The following CDH4 variants were observed in gnomAD, a reference collection of about 807,000 sequenced individuals.
CDH4 encodes cadherin-4.
Under a neutral mutation model 86.0 loss-of-function variants are expected in CDH4, and 33 were observed. The ratio of observed to expected loss-of-function variants is 0.38; its 90% CI spans 0.29 to 0.51. The LOEUF is 0.51. CDH4 is among the 20% of genes least tolerant of loss of function. CDH4 has a pLI of 0.86. For missense variants in CDH4, 1,114 were observed against 1,307.4 expected, an observed-to-expected ratio of 0.85 and a Z score of 2.28; for synonymous variants, 555 against 549.4, an observed-to-expected ratio of 1.01 and a Z score of -0.14.
intron 2 of CDH4, among the ~76,000 whole-genome samples, chr20:61,636,765 A>G (rs1033155769): frequency 2.6e-5 from 4 of 152,218 alleles, no homozygotes; most frequent in African/African-American, 9.6e-5. Context: ...GTCACTGTGA[A>G]GCACCAGGTG....
chr20:61,676,912 G>C lies in CDH4; in HGVS notation c.170-66651G>C, dbSNP rs2087450406. Among the ~76,000 whole-genome samples the C allele has an allele frequency of 6.6e-6, 1 of 152,186 alleles. No homozygotes were observed. Among genetic ancestry groups the C allele is most frequent in the Non-Finnish European group, 1.5e-5 (1 of 68,028 alleles). ...GTGGCCTCTGCTGGAGGACCTGATG[G>C]GGTGAGGTGGTGGGCCAGGCTGCAG... On this transcript the variant is annotated intron_variant, in intron 2 of 15. Transcript: ENST00000614565. The surrounding 1 kb of genome is among the most constrained non-coding windows in gnomAD (Gnocchi z 4.5).
chr20:61,591,440 TG>T (rs2086518638), intron 2 of CDH4, among the ~76,000 whole-genome samples: 5 of 152,180 alleles, frequency 3.3e-5, no homozygotes, highest in Admixed American at 1.3e-4. Flanking sequence ...AGAAGCTGGC[TG>T]GGTTCTCTGG....
chr20:61,923,061 G>A (rs4925313), intron 9 of CDH4, among the ~76,000 whole-genome samples: 1 of 152,070 alleles, frequency 6.6e-6, no homozygotes, highest in South Asian at 2.1e-4. Context: ...GTGAGGCCCC[G>A]CTGGCCAACA....
At chr20:61,868,365 G>C (rs1462732458) in intron 6 of CDH4, among the ~76,000 whole-genome samples, 1 of 152,212 alleles carries the variant, frequency 6.6e-6, no homozygotes, top group African/African-American at 2.4e-5. Context: ...AGTCAGAGGG[G>C]AGGCAGCCTG....
chr20:61,362,943 C>T (rs1007234492), intron 2 of CDH4, among the ~76,000 whole-genome samples: 25 of 152,280 alleles, frequency 1.6e-4, no homozygotes, highest in Admixed American at 3.3e-4. Context: ...TACAAAGCTC[C>T]GTGCCACCTG....
intron 3 of CDH4, among the ~76,000 whole-genome samples, chr20:61,764,489 G>A (rs1461433582): frequency 6.6e-6 from 1 of 152,114 alleles, no homozygotes; most frequent in Non-Finnish European, 1.5e-5. Context: ...GAGACCCGGG[G>A]CTGGAGAAGA....
chr20:61,852,453 G>A (rs1011769817), intron 5 of CDH4, among the ~76,000 whole-genome samples: 51 of 152,354 alleles, frequency 3.3e-4, no homozygotes, highest in Admixed American at 2.4e-3. Flanking sequence ...GGTGGCTCAC[G>A]GAACAGTCGG....
At chr20:61,647,448 A>ATGCTTTTAT (rs1259867242) in intron 2 of CDH4, among the ~76,000 whole-genome samples, 1 of 152,192 alleles carries the variant, frequency 6.6e-6, no homozygotes, top group Non-Finnish European at 1.5e-5. Context: ...CCAGAAACAC[A>ATGCTTTTAT]TGCTTTTATG....
rs1319129878 is a variant in CDH4, at chr20:61,829,598, C to T, written c.577-15070C>T. On this transcript the variant is annotated intron_variant, in intron 4 of 15. Coordinates refer to ENST00000614565, the MANE Select transcript of CDH4 (RefSeq NM_001794.5). This position sits in a 1 kb window ranked among gnomAD's most constrained non-coding sequence, Gnocchi z 4.2. ...CTGTTTTCCACGGCGGCTCTGCGGG[C>T]CTCCTGTTGAGGAAGCCCTGGCGAG... is the stretch of plus-strand genomic sequence containing the variant. Among the ~76,000 whole-genome samples, 1 of 152,218 alleles carries T rather than the reference C, an allele frequency of 6.6e-6. No homozygotes were observed. Among genetic ancestry groups the T allele is most frequent in the Non-Finnish European group, 1.5e-5 (1 of 68,034 alleles).
chr20:61,458,391 G>A (rs894279280), intron 2 of CDH4, among the ~76,000 whole-genome samples: 2 of 141,504 alleles, frequency 1.4e-5, no homozygotes, highest in African/African-American at 5.2e-5. Flanking sequence ...TATGGTGATG[G>A]TCATGATGGT....
rs869235928 is a variant in CDH4, at chr20:61,422,424, C to CAAAAAAAAAAAAAAAAAA, written c.169+167513_169+167530dup. 5.8e-4 allele frequency among the ~76,000 whole-genome samples: 13 copies of CAAAAAAAAAAAAAAAAAA among 22,260 alleles called. 1 individual carries two copies. Among genetic ancestry groups the CAAAAAAAAAAAAAAAAAA allele is most frequent in the Non-Finnish European group, 9.8e-4 (12 of 12,298 alleles). The allele number at this position is 22,260 out of a possible 152,430, so 14.6% of individuals were successfully genotyped here. A position where few individuals can be genotyped will look rare whatever the true frequency, so the allele number is the denominator to read the frequency against. On this transcript the variant is annotated intron_variant, in intron 2 of 15. Transcript: ENST00000614565. Reference sequence around the variant, plus strand: ...GGGCAATAAGAGCAAAACTCCGTCTCAAAAAAAAAAAAAAAAAAAAAAAAA... The same window carrying CAAAAAAAAAAAAAAAAAA: ...GGGCAATAAGAGCAAAACTCCGTCTCAAAAAAAAAAAAAAAAAAAAAAAAAAAAAAAAAAAAAAAAAAA...
chr20:61,405,871 G>T (rs535865045), intron 2 of CDH4, among the ~76,000 whole-genome samples: 1 of 152,012 alleles, frequency 6.6e-6, no homozygotes, highest in Non-Finnish European at 1.5e-5. Flanking sequence ...TAGTAGAGAC[G>T]GGGTTTCACC....
intron 2 of CDH4, among the ~76,000 whole-genome samples, chr20:61,381,586 A>G (rs895020731): frequency 1.3e-5 from 2 of 152,110 alleles, no homozygotes; most frequent in East Asian, 1.9e-4. Context: ...AAAACTGTAC[A>G]CGCTATGATG....
rs139251941 is a variant in CDH4 at position 61,315,854 on chromosome 20, C to A, written c.169+60917C>A. ...GAGTAGCTAGGACTACAGGTGTACA[C>A]CACCATGTCCAGCTAATTTTTTGTT... is the stretch of plus-strand genomic sequence containing the variant. On this transcript the variant is annotated intron_variant, in intron 2 of 15. Coordinates refer to ENST00000614565, the MANE Select transcript of CDH4 (RefSeq NM_001794.5). 2.2e-3 allele frequency among the ~76,000 whole-genome samples: 338 copies of A among 152,316 alleles called. 2 individuals carry two copies. The highest frequency in any genetic ancestry group is 3.5e-3 in the Non-Finnish European group (238 of 68,038).
chr20:61,275,056 G>C (rs371451723), intron 2 of CDH4, among the ~76,000 whole-genome samples: 9 of 134,234 alleles, frequency 6.7e-5, no homozygotes, highest in African/African-American at 8.6e-5. Context: ...GGGGAGTACC[G>C]TGTGCAGTTT....
At chr20:61,841,278 G>C (rs140757222) in intron 4 of CDH4, among the ~76,000 whole-genome samples, 1 of 152,204 alleles carries the variant, frequency 6.6e-6, no homozygotes, top group Non-Finnish European at 1.5e-5. Context: ...CCCGGACGGC[G>C]GGGCTGGTGG....
At chr20:61,549,827 G>T (rs2145671261) in intron 2 of CDH4, among the ~76,000 whole-genome samples, 1 of 152,346 alleles carries the variant, frequency 6.6e-6, no homozygotes, top group South Asian at 2.1e-4. Flanking sequence ...CAAAGAGGAT[G>T]CCAGGACTGA....
chr20:61,833,016 G>A (rs987758880), intron 4 of CDH4, among the ~76,000 whole-genome samples: 14 of 152,134 alleles, frequency 9.2e-5, no homozygotes, highest in Non-Finnish European at 7.4e-5. Context: ...GAGTACCTGC[G>A]AGTCTGAGGG....
chr20:61,464,612 T>C (rs1568854676), intron 2 of CDH4, among the ~76,000 whole-genome samples: 1 of 152,240 alleles, frequency 6.6e-6, no homozygotes, highest in Non-Finnish European at 1.5e-5. Context: ...TGGACACAGA[T>C]GTTCTCCCTG....
Sources: allele counts gnomAD v4.1 joint callset (sites outside exome capture counted in the v4.1 genomes callset), GRCh38; gene constraint gnomAD v4.1.1; non-coding constraint Gnocchi (gnomAD v3.1); transcripts MANE v1.5; gene names NCBI Gene and HGNC (gene_info 2026-07-23, HGNC 2026-07-21).